UMOD: variants seen among roughly 807,000 people sequenced by gnomAD.
UMOD encodes the protein Tamm-Horsfall urinary glycoprotein.
A neutral mutation model predicts 66.0 loss-of-function variants in UMOD; 64 were observed. The observed-to-expected ratio is 0.97, with a 90% CI of 0.79 to 1.19. The LOEUF (loss-of-function observed/expected upper bound fraction) is 1.19, where lower values mean the gene tolerates loss of function less well. Ranked by LOEUF, UMOD falls within the 50% of genes most tolerant of loss-of-function variation. The probability of loss-of-function intolerance (pLI) is 0.00; values close to 1 mark genes in which losing one functional copy is unlikely to be tolerated. For missense variants in UMOD, 764 were observed against 850.9 expected, an observed-to-expected ratio of 0.90 and a Z score of 1.27; for synonymous variants, 398 against 352.7, an observed-to-expected ratio of 1.13 and a Z score of -1.44.
Position 20,348,585 on chromosome 16 carries a change from T to A in UMOD, c.716A>T (p.Asp239Val). 1 of 1,593,834 alleles carries A rather than the reference T, an allele frequency of 6.3e-7. No individual in the cohort carries two copies. The highest frequency in any genetic ancestry group is 8.5e-7 in the Non-Finnish European group (1 of 1,175,098). The change falls in exon 3 of 11, where the codon GAC becomes GTC. Residue 239 changes from aspartate (D) to valine (V), a missense_variant. Transcript: ENST00000396138. ...MWLNGTHPSS[D>V]EGIVSRKACA... ...GGCCTTGCGGCTCACGATGCCCTCGTCGCTGGACGGATGCGTGCCATTGAG... is the reference window on the plus strand; with the variant it reads ...GGCCTTGCGGCTCACGATGCCCTCGACGCTGGACGGATGCGTGCCATTGAG...
rs762556085 is a variant in UMOD, at chr16:20,350,701, C to T, written c.37G>A (p.Val13Met). 6 of 1,614,192 alleles carry T rather than the reference C, an allele frequency of 3.7e-6. No individual in the cohort carries two copies. The highest frequency in any genetic ancestry group is 1.1e-5 in the South Asian group (1 of 91,084). ...QPSLTWMLMV[V>M]VASWFITTAA... ...GTTGTGATGAACCAAGAGGCCACCA[C>T]CACCATCAGCATCCAAGTCAGAGAT... is the stretch of plus-strand genomic sequence containing the variant. The change falls in exon 2 of 11, where the codon GTG (valine) becomes ATG (methionine). Residue 13 changes from valine (V) to methionine (M), a missense_variant. Transcript: ENST00000396138.
intron 4 of UMOD, 57 bp downstream of exon 4, chr16:20,348,166 C>T (rs1406415317): frequency 1.4e-6 from 2 of 1,464,700 alleles, no homozygotes; most frequent in African/African-American, 2.8e-5. Flanking sequence ...GGAATGTGTC[C>T]CTCCCCCAGG....
rs1385775524 is a variant in UMOD at position 20,346,183 on chromosome 16, C to T, written c.1125G>A (p.Arg375=). The change falls in exon 5 of 11, where the codon CGG becomes CGA. Residue 375 remains arginine, a synonymous_variant. Coordinates refer to ENST00000396138, the MANE Select transcript of UMOD (RefSeq NM_003361.4). The part of the protein sequence containing the change: ...RCSGFNDRDN[R]DWVSVVTPAR... ...CTGGGGTCACTACAGACACCCAGTC[C>T]CGGTTGTCTCTGTCATTGAAGCCCG... is the stretch of plus-strand genomic sequence containing the variant. 3 of 1,614,110 alleles carry T rather than the reference C, an allele frequency of 1.9e-6. No homozygotes were observed. The highest frequency in any genetic ancestry group is 1.3e-5 in the African/African-American group (1 of 74,954).
At position 20,344,030 on chromosome 16, in the gene UMOD, A is replaced by G. The variant is rs1313997403; in HGVS notation, c.1325T>C (p.Met442Thr). ...GGACCCTCTCTGGCCACACCTGACC[A>G]TTGGCTGTAGGGCGGTCTTCAGGCT... The part of the protein sequence containing the change: ...KVSLKTALQP[M>T]VSALNIRVGG... The change falls in exon 6 of 11, where the codon ATG (methionine) becomes ACG (threonine). Residue 442 changes from methionine to threonine, a missense_variant. Physicochemically the swap from Met to Thr is moderately conservative, Grantham distance 81 (BLOSUM62 -1). Coordinates refer to ENST00000396138, the MANE Select transcript of UMOD (RefSeq NM_003361.4). 2 of 1,613,640 alleles carry G rather than the reference A, an allele frequency of 1.2e-6. No individual in the cohort carries two copies. The highest frequency in any genetic ancestry group is 1.7e-6 in the Non-Finnish European group (2 of 1,180,000).
At chr16:20,343,515 C>T (rs984485172) in intron 6 of UMOD, among the ~76,000 whole-genome samples, 1 of 152,202 alleles carries the variant, frequency 6.6e-6, no homozygotes, top group Non-Finnish European at 1.5e-5. Flanking sequence ...AACCACCCTG[C>T]CTCTTTGAAA....
Position 20,349,155 on chromosome 16 carries a change from G to A in UMOD, c.146C>T (p.Thr49Met), listed in dbSNP as rs1172018079. 1.2e-6 allele frequency: 2 copies of A among 1,614,100 alleles called. No homozygotes were observed. Among genetic ancestry groups the A allele is most frequent in the Non-Finnish European group, 8.5e-7 (1 of 1,180,040 alleles). ...ATCTEDEAVT[T>M]CTCQEGFTGD... ...GGTGAAGCCCTCCTGACAGGTGCAC[G>A]TCGTAACGGCCTCATCCTCCGTGCA... The change falls in exon 3 of 11, where the codon ACG becomes ATG. Residue 49 changes from threonine (T) to methionine (M), a missense_variant. Transcript: ENST00000396138.
In UMOD at chr16:20,337,488, T is replaced by TA. The variant is rs1246070633; in HGVS notation, c.1578-36dup. 5.6e-6 allele frequency: 9 copies of TA among 1,613,734 alleles called. No individual in the cohort carries two copies. In the African/African-American group the frequency reaches 1.2e-4, roughly 22 times the overall value. The stretch of plus-strand genomic sequence containing the variant: ...TTACACATCATTTAATGTGGTTGGT[T>TA]AAATAAAGATTCTGGAGTCAGACTT... On this transcript the variant is annotated intron_variant, in intron 7 of 10. Transcript: ENST00000396138.
intron 4 of UMOD, 143 bp downstream of exon 4, chr16:20,348,080 G>A: frequency 1.3e-6 from 1 of 793,756 alleles, no homozygotes; most frequent in Non-Finnish European, 2.2e-6. Flanking sequence ...ATGGGTATTA[G>A]TGGATCTTCT....
chr16:20,338,378 G>A (rs1964997765), intron 7 of UMOD, among the ~76,000 whole-genome samples: 1 of 152,042 alleles, frequency 6.6e-6, no homozygotes, highest in Non-Finnish European at 1.5e-5. Flanking sequence ...TCCTACACTG[G>A]TAGTTCTCAC....
intron 1 of UMOD, among the ~76,000 whole-genome samples, chr16:20,351,972 C>G (rs572353279): frequency 6.7e-6 from 1 of 148,884 alleles, no homozygotes; most frequent in African/African-American, 2.5e-5. Flanking sequence ...GAGCTGAGAT[C>G]GTGCCACTGC....
In UMOD at chr16:20,337,199, G is replaced by C; in HGVS notation, c.1740+92C>G. 3.9e-6 allele frequency: 6 copies of C among 1,525,332 alleles called. No individual in the cohort carries two copies. In the South Asian group the frequency reaches 7.1e-5, roughly 18 times the overall value. 94.5% of individuals were successfully genotyped at this position (1,525,332 alleles called of 1,614,324 possible). On this transcript the variant is annotated intron_variant, in intron 8 of 10. Transcript: ENST00000396138. Reference sequence around the variant, plus strand: ...TGCTCATTCTATCCCTCTGGTAAAAGAGGGAAACAGGGAAGAAATATTGAT... The same window carrying C: ...TGCTCATTCTATCCCTCTGGTAAAACAGGGAAACAGGGAAGAAATATTGAT...
chr16:20,347,321 C>A (rs1201643329), intron 4 of UMOD, among the ~76,000 whole-genome samples: 1 of 152,224 alleles, frequency 6.6e-6, no homozygotes, highest in Non-Finnish European at 1.5e-5. Context: ...CTGCGCCCGG[C>A]CCACTAACTT....
Position 20,348,689 on chromosome 16 carries a change from G to T in UMOD, c.612C>A (p.Arg204=). The change falls in exon 3 of 11, where the codon CGC becomes CGA. Residue 204 remains arginine (R), a synonymous_variant. Transcript: ENST00000396138. ...ACDTDLRGWY[R]FVGQGGARMA... ...TGCGCGCACCGCCCTGGCCCACGAAGCGGTACCAGCCGCGCAGGTCCGTGT... is the reference window on the plus strand; with the variant it reads ...TGCGCGCACCGCCCTGGCCCACGAATCGGTACCAGCCGCGCAGGTCCGTGT... 6.4e-7 allele frequency: 1 copy of T among 1,553,984 alleles called. No individual in the cohort carries two copies. Among genetic ancestry groups the T allele is most frequent in the South Asian group, 1.2e-5 (1 of 84,936 alleles).
intron 5 of UMOD, among the ~76,000 whole-genome samples, chr16:20,344,694 A>G (rs1176898293): frequency 6.6e-6 from 1 of 152,198 alleles, no homozygotes; most frequent in Non-Finnish European, 1.5e-5. Context: ...AAATTAGAAA[A>G]AAAAAGTTAC....
chr16:20,343,151 A>ATAAATAATTAAATAAATAAATAAT (rs1555486487), intron 6 of UMOD, among the ~76,000 whole-genome samples: 1 of 151,334 alleles, frequency 6.6e-6, no homozygotes, highest in Non-Finnish European at 1.5e-5. Flanking sequence ...AAATAAATAA[A>ATAAATAATTAAATAAATAAATAAT]TAAATAATCA....
chr16:20,336,855 G>A, intron 8 of UMOD, 128 bp from the exon 9 acceptor site: 1 of 781,764 alleles, frequency 1.3e-6, no homozygotes, highest in South Asian at 1.5e-5. Flanking sequence ...TAGGAGACCT[G>A]TATACCGGGG....
intron 2 of UMOD, chr16:20,349,716 G>T: frequency 1.2e-5 from 19 of 1,525,182 alleles, no homozygotes; most frequent in Non-Finnish European, 1.7e-5. Context: ...ACTTTGGTAG[G>T]ATTTACGGTG....
In UMOD at chr16:20,336,870, T is replaced by C. The variant is rs568626906; in HGVS notation, c.1741-143A>G. The C allele has an allele frequency of 9.9e-5, 71 of 715,232 alleles. 1 individual carries two copies. The South Asian group carries it at 1.0e-3, about 11-fold the overall frequency. The allele number at this position is 715,232 out of a possible 1,614,324, so 44.3% of individuals were successfully genotyped here. A position where few individuals can be genotyped will look rare whatever the true frequency, so the allele number is the denominator to read the frequency against. Reference sequence around the variant, plus strand: ...TAGGAGACCTGTATACCGGGGCTCGTGCAGGTCCCAGCTCTGCCATTTGTT... The same window carrying C: ...TAGGAGACCTGTATACCGGGGCTCGCGCAGGTCCCAGCTCTGCCATTTGTT... On this transcript the variant is annotated intron_variant, in intron 8 of 10. Transcript: ENST00000396138.
upstream of UMOD, among the ~76,000 whole-genome samples, chr16:20,355,967 T>G (rs747970696): frequency 1.1e-4 from 16 of 152,148 alleles, no homozygotes; most frequent in Non-Finnish European, 8.8e-5. Flanking sequence ...TTACCTGCAT[T>G]CCTTGGGTTA....
Sources: gnomAD v4.1 joint callset for allele counts (sites outside exome capture counted in the v4.1 genomes callset) on GRCh38, gnomAD v4.1.1 for gene constraint, MANE v1.5 for transcripts, NCBI Gene and HGNC (gene_info 2026-07-23, HGNC 2026-07-21) for gene names.